IRAG2: variants seen among roughly 807,000 people sequenced by gnomAD.
IRAG2 encodes lymphoid restricted membrane protein.
Under a neutral mutation model 69.9 loss-of-function variants are expected in IRAG2, and 45 were observed. That is an observed-to-expected ratio of 0.64 (90% CI 0.51 to 0.83). The LOEUF is 0.83. IRAG2 is among the 40% of genes least tolerant of loss of function. The probability of loss-of-function intolerance (pLI) is 0.00; values close to 1 mark genes in which losing one functional copy is unlikely to be tolerated. For synonymous variants in IRAG2, 193 were observed against 202.4 expected (o/e 0.95, Z 0.40); for missense variants, 520 against 587.0 (o/e 0.89, Z 1.18).
chr12:25,101,872 CCT>C (rs1948768359), intron 16 of IRAG2: 2 of 535,366 alleles, frequency 3.7e-6, no homozygotes, highest in Non-Finnish European at 3.5e-6. Flanking sequence ...GAATCTGTTC[CCT>C]GTTCTAGAAC....
At position 25,015,182 on chromosome 12, in the gene IRAG2, G is replaced by A. The variant is rs1413378802; in HGVS notation, c.897G>A (p.Trp299Ter). The A allele has an allele frequency of 4.2e-6, 5 of 1,186,758 alleles. No individual in the cohort carries two copies. The highest frequency in any genetic ancestry group is 4.5e-5 in the Admixed American group (1 of 22,028). 73.5% of individuals were successfully genotyped at this position (1,186,758 alleles called of 1,614,324 possible). The change falls in exon 4 of 39, where the codon TGG (tryptophan) becomes TGA (stop). Residue 299 changes from tryptophan to a stop codon, truncating the protein, a stop_gained and splice_region_variant. Transcript: ENST00000636465. LOFTEE classifies it high-confidence loss of function. ...TTTTTTTTTTTTTTTTTGGCTACAG[G>A]GAAGGAGTGAATCATAGATTAAGCA...
At chr12:25,073,883 T>C (rs1946492302) in intron 6 of IRAG2, among the ~76,000 whole-genome samples, 1 of 152,222 alleles carries the variant, frequency 6.6e-6, no homozygotes. Flanking sequence ...GAAACAAGAT[T>C]GGCCATAGGT....
At chr12:25,005,889 C>T (rs1462137641) in intron 2 of IRAG2, among the ~76,000 whole-genome samples, 1 of 151,886 alleles carries the variant, frequency 6.6e-6, no homozygotes, top group South Asian at 2.1e-4. Context: ...AATTGACAAG[C>T]GGGACCTAAT....
At chr12:25,078,782 A>T (rs1461917516) in intron 6 of IRAG2, among the ~76,000 whole-genome samples, 1 of 152,222 alleles carries the variant, frequency 6.6e-6, no homozygotes, top group African/African-American at 2.4e-5. Context: ...GATCTCTCAG[A>T]TATGGATTAA....
At chr12:25,013,196 G>A (rs1247490449) in intron 3 of IRAG2, among the ~76,000 whole-genome samples, 1 of 152,140 alleles carries the variant, frequency 6.6e-6, no homozygotes, top group Non-Finnish European at 1.5e-5. Flanking sequence ...TGCAGTCTTG[G>A]CCGGGGGTGG....
intron 16 of IRAG2, among the ~76,000 whole-genome samples, chr12:25,039,871 G>A (rs1010975765): frequency 6.6e-6 from 1 of 152,182 alleles, no homozygotes; most frequent in Non-Finnish European, 1.5e-5. Context: ...TTTGTCTAGA[G>A]GCTACTGTGT....
intron 6 of IRAG2, among the ~76,000 whole-genome samples, chr12:25,072,645 A>AC (rs1427960614): frequency 2.0e-5 from 3 of 152,160 alleles, no homozygotes; most frequent in Non-Finnish European, 4.4e-5. Context: ...ATCCCAGTGG[A>AC]CACCCCAGAC....
rs750386542 is a variant in IRAG2, at chr12:25,075,521, C to CATGTGTGTGT, written c.25-3723_25-3722insATGTGTGTGT. 3.4e-3 allele frequency among the ~76,000 whole-genome samples: 478 copies of CATGTGTGTGT among 139,370 alleles called. 1 individual carries two copies. Among genetic ancestry groups the CATGTGTGTGT allele is most frequent in the African/African-American group, 0.012 (456 of 38,280 alleles). The allele number at this position is 139,370 out of a possible 152,430, so 91.4% of individuals were successfully genotyped here. A position where few individuals can be genotyped will look rare whatever the true frequency, so the allele number is the denominator to read the frequency against. On this transcript the variant is annotated intron_variant, in intron 6 of 21. Transcript: ENST00000556887. The stretch of plus-strand genomic sequence containing the variant: ...AATAATATTGCTGTGTGTGTGTATG[C>CATGTGTGTGT]GTGTGTGTGTGTGTGTGTGTGTGTG...
chr12:25,039,166 A>C (rs1379394158), intron 16 of IRAG2, among the ~76,000 whole-genome samples: 1 of 152,218 alleles, frequency 6.6e-6, no homozygotes, highest in Non-Finnish European at 1.5e-5. Context: ...GAACACAGGT[A>C]TATATTTCAC....
intron 16 of IRAG2, among the ~76,000 whole-genome samples, chr12:25,040,242 C>T (rs1944737005): frequency 6.6e-6 from 1 of 152,234 alleles, no homozygotes; most frequent in Admixed American, 6.5e-5. Flanking sequence ...GGTGCCCCGG[C>T]TCATGCCTGT....
At chr12:25,052,426 G>A (rs577955290), upstream of IRAG2, 192 of 397,088 alleles carry the variant, frequency 4.8e-4, no homozygotes, top group African/African-American at 3.7e-3. Context: ...TAAAAATGGA[G>A]GAGGAACAAC....
Position 25,108,096 on chromosome 12 carries a change from A to G in IRAG2, c.*36A>G. 1 of 1,597,632 alleles carries G rather than the reference A, an allele frequency of 6.3e-7. No individual in the cohort carries two copies. Among genetic ancestry groups the G allele is most frequent in the South Asian group, 1.1e-5 (1 of 89,796 alleles). ...TCCTAATATATGGATCTTGATTTTT[A>G]AGTTTCAGTATCTGAACTTCGTAAA... On this transcript the variant is annotated 3_prime_UTR_variant, in exon 22 of 22. Coordinates refer to ENST00000556887, the MANE Select transcript of IRAG2 (RefSeq NM_001366544.2).
At chr12:25,044,689 A>G (rs1944778240) in intron 16 of IRAG2, among the ~76,000 whole-genome samples, 1 of 152,194 alleles carries the variant, frequency 6.6e-6, no homozygotes, top group Non-Finnish European at 1.5e-5. Flanking sequence ...GACATTATAT[A>G]ATAAAAGGAT....
chr12:25,002,696 C>T (rs1944401068), upstream of IRAG2, among the ~76,000 whole-genome samples: 1 of 150,312 alleles, frequency 6.7e-6, no homozygotes, highest in Non-Finnish European at 1.5e-5. Context: ...GGCTAGAGTG[C>T]CGTAGCATGA....
chr12:25,063,903 T>C (rs971546744), intron 4 of IRAG2, 87 bp downstream of exon 4: 7 of 398,310 alleles, frequency 1.8e-5, no homozygotes, highest in African/African-American at 1.0e-4. Context: ...ATTACATTTG[T>C]ATAGGAAGAA....
At chr12:25,095,206 T>C (rs1948342804) in intron 14 of IRAG2, among the ~76,000 whole-genome samples, 2 of 152,100 alleles carry the variant, frequency 1.3e-5, no homozygotes, top group South Asian at 4.1e-4. Flanking sequence ...CGTAGTAGGG[T>C]TTTCATATAT....
chr12:25,077,327 TGA>T (rs1565563331), intron 6 of IRAG2, among the ~76,000 whole-genome samples: 1 of 21,626 alleles, frequency 4.6e-5, no homozygotes, highest in African/African-American at 9.1e-5. Flanking sequence ...GATATATATA[TGA>T]TATATATATG....
rs1024168752 is a variant in IRAG2, at chr12:25,104,578, G to A, written c.1148+116G>A. 3.3e-5 allele frequency: 22 copies of A among 672,746 alleles called. No homozygotes were observed. In the African/African-American group the frequency reaches 3.8e-4, roughly 12 times the overall value. The allele number at this position is 672,746 out of a possible 1,614,324, so 41.7% of individuals were successfully genotyped here. ...TGTATAATTAAAAAGATAATTCATT[G>A]TAAAACACTTTTATAAACTGTAAAG... On this transcript the variant is annotated intron_variant, in intron 20 of 21. Coordinates refer to ENST00000556887, the MANE Select transcript of IRAG2 (RefSeq NM_001366544.2).
In IRAG2 at chr12:25,089,806, A is replaced by G. The variant is rs749378685; in HGVS notation, c.465+16A>G. The G allele has an allele frequency of 6.2e-7, 1 of 1,608,758 alleles. No individual in the cohort carries two copies. Among genetic ancestry groups the G allele is most frequent in the African/African-American group, 1.3e-5 (1 of 74,862 alleles). On this transcript the variant is annotated intron_variant, in intron 13 of 21. Transcript: ENST00000556887. ...GGAGGTGGAGGTGAGTTTAAAGCAA[A>G]TTTTTTTTCCTTTTAAAAAAGTGTT...
Sources: gnomAD v4.1 joint callset for allele counts (sites outside exome capture counted in the v4.1 genomes callset) on GRCh38, gnomAD v4.1.1 for gene constraint, MANE v1.5 for transcripts, NCBI Gene and HGNC (gene_info 2026-07-23, HGNC 2026-07-21) for gene names.